BDNF: variants seen among roughly 807,000 people sequenced by gnomAD.
BDNF encodes the protein brain derived neurotrophic factor.
A neutral mutation model predicts 19.5 loss-of-function variants in BDNF; 1 was observed. That is an observed-to-expected ratio of 0.05 (90% confidence interval 0.02 to 0.24). The LOEUF is 0.24. Among genes scored for constraint, BDNF ranks in the 10% least tolerant of loss-of-function variants. The probability of loss-of-function intolerance (pLI) is 1.00; values close to 1 mark genes in which losing one functional copy is unlikely to be tolerated. For missense variants in BDNF, 195 were observed against 317.6 expected (o/e 0.61, Z 2.93); for synonymous variants, 100 against 121.6 (o/e 0.82, Z 1.17).
At chr11:27,690,880 C>T (rs1288034728) in intron 1 of BDNF, among the ~76,000 whole-genome samples, 8 of 151,640 alleles carry the variant, frequency 5.3e-5, no homozygotes, top group Non-Finnish European at 1.5e-5. Context: ...CTAAAAGACC[C>T]ATGCATATCC....
At chr11:27,708,090 A>C (rs1173565749) in intron 1 of BDNF, among the ~76,000 whole-genome samples, 1 of 152,190 alleles carries the variant, frequency 6.6e-6, no homozygotes, top group Admixed American at 6.5e-5. Context: ...CTTTTATTTC[A>C]TAGGCATGTT....
chr11:27,673,656 CCA>C (rs1855702529), intron 1 of BDNF, among the ~76,000 whole-genome samples: 1 of 152,136 alleles, frequency 6.6e-6, no homozygotes, highest in Non-Finnish European at 1.5e-5. Flanking sequence ...CCCAGTTTTT[CCA>C]CAGACGGTGC....
chr11:27,685,093 T>C (rs1445584565), intron 1 of BDNF, among the ~76,000 whole-genome samples: 4 of 152,210 alleles, frequency 2.6e-5, no homozygotes, highest in African/African-American at 9.7e-5. Context: ...TATTGGTCTA[T>C]TCAGGAATTT....
At chr11:27,701,360 C>CA, upstream of BDNF, 1 of 1,085,260 alleles carries the variant, frequency 9.2e-7, no homozygotes, top group South Asian at 2.7e-5. Context: ...ACTTCGGCCC[C>CA]AAAACTCCCA....
chr11:27,699,783 C>T, intron 1 of BDNF: 1 of 1,103,050 alleles, frequency 9.1e-7, no homozygotes, highest in South Asian at 2.0e-5. Flanking sequence ...CCCCAGCACC[C>T]TCCCCTCAGT....
intron 1 of BDNF, among the ~76,000 whole-genome samples, chr11:27,688,700 A>G (rs1009381801): frequency 5.9e-5 from 9 of 152,128 alleles, no homozygotes; most frequent in African/African-American, 2.2e-4. Flanking sequence ...GAGTGAGGCA[A>G]TGCTCCACCC....
chr11:27,669,888 A>T (rs1308042478), intron 1 of BDNF, among the ~76,000 whole-genome samples: 6 of 132,026 alleles, frequency 4.5e-5, no homozygotes, highest in African/African-American at 1.5e-4. Flanking sequence ...GACTTTCTCC[A>T]CAGAATTGGA....
chr11:27,670,507 C>G (rs1390782837), intron 1 of BDNF, among the ~76,000 whole-genome samples: 2 of 152,018 alleles, frequency 1.3e-5, no homozygotes, highest in Non-Finnish European at 2.9e-5. Context: ...TACAATCTAC[C>G]CATCTGACAA....
At chr11:27,712,591 C>T (rs987183230) in intron 1 of BDNF, among the ~76,000 whole-genome samples, 12 of 151,002 alleles carry the variant, frequency 7.9e-5, no homozygotes, top group African/African-American at 2.4e-4. Flanking sequence ...TCTCGGCTCA[C>T]TGCAACCTCC....
chr11:27,659,679 T>A (rs1316519762), intron 1 of BDNF: 2 of 997,906 alleles, frequency 2.0e-6, no homozygotes, highest in Admixed American at 6.1e-5. Flanking sequence ...GCTCTGAGTT[T>A]ATCCTACTTT....
intron 1 of BDNF, chr11:27,675,817 C>A (rs895638949): frequency 6.6e-6 from 1 of 151,918 alleles, no homozygotes; most frequent in Admixed American, 6.6e-5. Flanking sequence ...CACTCACAGA[C>A]TGTGCCAACA....
intron 1 of BDNF, among the ~76,000 whole-genome samples, chr11:27,705,916 C>T (rs766272066): frequency 6.6e-6 from 1 of 152,190 alleles, no homozygotes; most frequent in Non-Finnish European, 1.5e-5. Context: ...TTTACATGCT[C>T]ATATTCTAGG....
At chr11:27,659,801 T>G in intron 1 of BDNF, 4 of 557,364 alleles carry the variant, frequency 7.2e-6, no homozygotes, top group Non-Finnish European at 9.2e-6. Flanking sequence ...AATTAATCTC[T>G]TCCTGTTTGC....
chr11:27,657,322 G>T lies in BDNF; in HGVS notation c.*499C>A. 1 of 994,338 alleles carries T rather than the reference G, an allele frequency of 1.0e-6. No homozygotes were observed. Among genetic ancestry groups the T allele is most frequent in the Non-Finnish European group, 1.2e-6 (1 of 835,164 alleles). 61.6% of individuals were successfully genotyped at this position (994,338 alleles called of 1,614,324 possible). ...CTAAGCCAGTAAAGCAATGACAACA[G>T]CACCTTGACATTGTTTTAATTCCAA... On this transcript the variant is annotated 3_prime_UTR_variant, in exon 2 of 2. Coordinates refer to ENST00000356660, the MANE Select transcript of BDNF (RefSeq NM_001709.5). The surrounding 1 kb of genome is among the most constrained non-coding windows in gnomAD (Gnocchi z 5.0).
At chr11:27,711,633 G>A (rs888956618) in intron 1 of BDNF, among the ~76,000 whole-genome samples, 3 of 152,206 alleles carry the variant, frequency 2.0e-5, no homozygotes, top group African/African-American at 7.2e-5. Flanking sequence ...TTGAAGTTTA[G>A]CTTCTCCACT....
chr11:27,718,356 C>G (rs1034221130), intron 1 of BDNF, among the ~76,000 whole-genome samples: 13 of 141,460 alleles, frequency 9.2e-5, no homozygotes, highest in East Asian at 6.7e-4. Flanking sequence ...CGCACACCAC[C>G]CCCCCCCGCC....
rs562917064 is a variant in BDNF, at chr11:27,657,152, C to T, written c.*669G>A. 2.3e-5 allele frequency: 23 copies of T among 982,170 alleles called. No individual in the cohort carries two copies. Among genetic ancestry groups the T allele is most frequent in the Admixed American group, 1.8e-4 (3 of 16,254 alleles). 60.8% of individuals were successfully genotyped at this position (982,170 alleles called of 1,614,324 possible). On this transcript the variant is annotated 3_prime_UTR_variant, in exon 2 of 2. Transcript: ENST00000356660. This position sits in a 1 kb window ranked among gnomAD's most constrained non-coding sequence, Gnocchi z 5.0. Reference sequence around the variant, plus strand: ...ATCGATATTGCAAACATCTTCACAACATACAAATGTATCTTTTATCAGCCA... The same window carrying T: ...ATCGATATTGCAAACATCTTCACAATATACAAATGTATCTTTTATCAGCCA...
In BDNF at chr11:27,697,172, G is replaced by C. The variant is rs1387344284; in HGVS notation, c.-22+2992C>G. 3.8e-3 allele frequency among the ~76,000 whole-genome samples: 568 copies of C among 147,878 alleles called. 1 individual carries two copies. The highest frequency in any genetic ancestry group is 5.5e-3 in the Non-Finnish European group (362 of 65,898). On this transcript the variant is annotated intron_variant, in intron 1 of 1. Coordinates refer to ENST00000356660, the MANE Select transcript of BDNF (RefSeq NM_001709.5). ...ACACACACACACACACACAGAGAGA[G>C]AGAGAGAGAGAGAGAGAGAGAGAGC...
intron 1 of BDNF, among the ~76,000 whole-genome samples, chr11:27,712,519 ATT>A (rs35699873): frequency 6.8e-4 from 99 of 144,558 alleles, no homozygotes; most frequent in East Asian, 1.4e-3. Flanking sequence ...TTCACTTAGA[ATT>A]TTTTTTTTTT....
Sources: gnomAD v4.1 joint callset for allele counts (sites outside exome capture counted in the v4.1 genomes callset) on GRCh38, gnomAD v4.1.1 for gene constraint, Gnocchi (gnomAD v3.1) non-coding constraint, MANE v1.5 for transcripts, NCBI Gene and HGNC (gene_info 2026-07-23, HGNC 2026-07-21) for gene names.